NR3C2: variants seen among roughly 807,000 people sequenced by gnomAD.
NR3C2 encodes the protein mineralocorticoid receptor.
A neutral mutation model predicts 86.4 loss-of-function variants in NR3C2; 15 were observed. That is an observed-to-expected ratio of 0.17 (90% CI 0.12 to 0.27). The LOEUF (loss-of-function observed/expected upper bound fraction) is 0.27, where lower values mean the gene tolerates loss of function less well. Ranked by LOEUF, NR3C2 falls within the 10% of genes least tolerant of loss-of-function variation. The probability of loss-of-function intolerance (pLI) is 1.00; values close to 1 mark genes in which losing one functional copy is unlikely to be tolerated. For synonymous variants in NR3C2, 458 were observed against 450.5 expected (o/e 1.02, Z -0.21); for missense variants, 960 against 1,195.6 (o/e 0.80, Z 2.91).
chr4:148,216,599 G>C (rs1737550329), intron 3 of NR3C2, among the ~76,000 whole-genome samples: 1 of 152,072 alleles, frequency 6.6e-6, no homozygotes, highest in African/African-American at 2.4e-5. Flanking sequence ...AACCTTACTG[G>C]AAACTTTTCA....
At chr4:148,373,706 G>A (rs116233459) in intron 2 of NR3C2, among the ~76,000 whole-genome samples, 2,698 of 151,976 alleles carry the variant, frequency 0.018, 36 homozygotes, top group South Asian at 0.033. Context: ...TCCATCTCCC[G>A]ACCTTGTAAT....
At chr4:148,118,290 G>A (rs903272411) in intron 7 of NR3C2, among the ~76,000 whole-genome samples, 7 of 152,124 alleles carry the variant, frequency 4.6e-5, no homozygotes, top group Admixed American at 1.3e-4. Context: ...GCACCTGCAC[G>A]ATGCCTAATG....
intron 4 of NR3C2, among the ~76,000 whole-genome samples, chr4:148,163,927 T>G (rs781096597): frequency 2.6e-5 from 4 of 152,140 alleles, no homozygotes; most frequent in Admixed American, 2.0e-4. Flanking sequence ...AAAACTACAA[T>G]AGAGAAGTCC....
At chr4:148,270,080 T>G (rs1438465844) in intron 2 of NR3C2, among the ~76,000 whole-genome samples, 4 of 149,204 alleles carry the variant, frequency 2.7e-5, no homozygotes, top group African/African-American at 9.8e-5. Context: ...TTTCAGCATT[T>G]TTTTTTTTTT....
At chr4:148,103,558 C>G (rs1731639390) in intron 8 of NR3C2, among the ~76,000 whole-genome samples, 2 of 152,194 alleles carry the variant, frequency 1.3e-5, no homozygotes, top group African/African-American at 2.4e-5. Flanking sequence ...TGAATAACAA[C>G]TGGACACTGA....
intron 3 of NR3C2, among the ~76,000 whole-genome samples, chr4:148,240,708 G>T (rs1738984513): frequency 6.6e-6 from 1 of 152,122 alleles, no homozygotes; most frequent in South Asian, 2.1e-4. Flanking sequence ...ATCTGTTGAG[G>T]TCTGCTTTCC....
chr4:148,203,849 G>A (rs1032913180), intron 3 of NR3C2, among the ~76,000 whole-genome samples: 1 of 152,070 alleles, frequency 6.6e-6, no homozygotes, highest in African/African-American at 2.4e-5. Flanking sequence ...GAGTGGGCCT[G>A]GATTAACATG....
At chr4:148,092,569 A>G (rs1445696086) in intron 8 of NR3C2, among the ~76,000 whole-genome samples, 1 of 152,186 alleles carries the variant, frequency 6.6e-6, no homozygotes, top group African/African-American at 2.4e-5. Context: ...TCATTTCAAC[A>G]GTATTTTTTA....
intron 2 of NR3C2, among the ~76,000 whole-genome samples, chr4:148,400,778 C>CAAA (rs34623514): frequency 1.4e-4 from 12 of 84,400 alleles, no homozygotes; most frequent in East Asian, 3.7e-4. Context: ...GACTCCGTCT[C>CAAA]AAAAAAAAAA....
chr4:148,120,798 C>G (rs1242296896), intron 6 of NR3C2, among the ~76,000 whole-genome samples: 1 of 152,138 alleles, frequency 6.6e-6, no homozygotes, highest in Non-Finnish European at 1.5e-5. Flanking sequence ...TTTACAGCAA[C>G]ATGTTTTAAA....
chr4:148,186,209 A>G (rs1347011945), intron 4 of NR3C2, among the ~76,000 whole-genome samples: 7 of 152,206 alleles, frequency 4.6e-5, no homozygotes, highest in African/African-American at 9.6e-5. Context: ...TTTCTATTAT[A>G]ATGATTAGAT....
intron 4 of NR3C2, among the ~76,000 whole-genome samples, chr4:148,186,310 T>C (rs973467285): frequency 2.0e-5 from 3 of 152,220 alleles, no homozygotes; most frequent in South Asian, 2.1e-4. Flanking sequence ...TTTTAATGAG[T>C]TGGGTTTTAT....
intron 8 of NR3C2, among the ~76,000 whole-genome samples, chr4:148,098,445 T>C (rs913580771): frequency 6.6e-6 from 1 of 151,654 alleles, no homozygotes; most frequent in Non-Finnish European, 1.5e-5. Context: ...ATCTCAACAG[T>C]AGACTCACCA....
rs571873539 is a variant in NR3C2, at chr4:148,320,398, G to A, written c.1758-60281C>T. On this transcript the variant is annotated intron_variant, in intron 2 of 8. Transcript: ENST00000358102. Reference sequence around the variant, plus strand: ...GAATGATGCTGGCCTCATAAAATGAGTTAGGGAGGATTCCCTCTTTTTCTA... The same window carrying A: ...GAATGATGCTGGCCTCATAAAATGAATTAGGGAGGATTCCCTCTTTTTCTA... Among the ~76,000 whole-genome samples the A allele has an allele frequency of 1.1e-3, 139 of 124,760 alleles. 4 individuals are homozygous for A. The South Asian group carries it at 0.043, about 39-fold the overall frequency. The allele number at this position is 124,760 out of a possible 152,430, so 81.8% of individuals were successfully genotyped here.
rs554655051 is a variant in NR3C2 at position 148,209,220 on chromosome 4, G to C, written c.1898-14358C>G. Among the ~76,000 whole-genome samples the C allele has an allele frequency of 1.5e-3, 222 of 150,718 alleles. 2 individuals are homozygous for C. The highest frequency in any genetic ancestry group is 2.4e-3 in the Non-Finnish European group (160 of 67,866). On this transcript the variant is annotated intron_variant, in intron 3 of 8. Transcript: ENST00000358102. The stretch of plus-strand genomic sequence containing the variant: ...AATAGTGCGACTGCACTCCAGCCTG[G>C]GCAACAGAGTGAGACTCAGTCTCAA...
intron 3 of NR3C2, among the ~76,000 whole-genome samples, chr4:148,212,725 C>T (rs545634967): frequency 6.6e-6 from 1 of 152,294 alleles, no homozygotes; most frequent in East Asian, 1.9e-4. Context: ...TTTTACTGGT[C>T]TGCAACGGGC....
rs377487110 is a variant in NR3C2 at position 148,317,733 on chromosome 4, G to C, written c.1758-57616C>G. On this transcript the variant is annotated intron_variant, in intron 2 of 8. Transcript: ENST00000358102. The stretch of plus-strand genomic sequence containing the variant: ...TGTAGAAATGAAAGAAAAATATTAT[G>C]GTCAAAAATGAAAACCTAATAGATC... Among the ~76,000 whole-genome samples the C allele has an allele frequency of 3.7e-3, 563 of 150,964 alleles. 2 individuals carry two copies. Among genetic ancestry groups the C allele is most frequent in the Non-Finnish European group, 6.8e-3 (458 of 67,796 alleles).
intron 2 of NR3C2, among the ~76,000 whole-genome samples, chr4:148,338,546 A>G (rs1230119424): frequency 6.6e-6 from 1 of 152,202 alleles, no homozygotes; most frequent in Non-Finnish European, 1.5e-5. Flanking sequence ...GTCAAAAATC[A>G]AATGATTATA....
intron 4 of NR3C2, among the ~76,000 whole-genome samples, chr4:148,178,203 C>T (rs909833314): frequency 6.6e-6 from 1 of 151,774 alleles, no homozygotes; most frequent in Non-Finnish European, 1.5e-5. Flanking sequence ...TGGCGGAGCA[C>T]GCCTGTAATA....
Sources: allele counts gnomAD v4.1 joint callset (sites outside exome capture counted in the v4.1 genomes callset), GRCh38; gene constraint gnomAD v4.1.1; transcripts MANE v1.5; gene names NCBI Gene and HGNC (gene_info 2026-07-23, HGNC 2026-07-21).